UBE2R2: variants seen among roughly 807,000 people sequenced by gnomAD.
UBE2R2 encodes ubiquitin conjugating enzyme E2 R2, also known as ubiquitin-conjugating enzyme E2 R2.
Under a neutral mutation model 27.8 loss-of-function variants are expected in UBE2R2, and 1 was observed. That is an observed-to-expected ratio of 0.04 (90% CI 0.01 to 0.17). The LOEUF is 0.17. Among genes scored for constraint, UBE2R2 ranks in the 10% least tolerant of loss-of-function variants. UBE2R2 has a pLI of 1.00. For missense variants in UBE2R2, 100 were observed against 291.0 expected (o/e 0.34, Z 4.78); for synonymous variants, 106 against 113.3 (o/e 0.94, Z 0.41).
intron 4 of UBE2R2, 52 bp from the exon 5 acceptor site, chr9:33,916,966 T>C (rs1274726808): frequency 3.1e-6 from 5 of 1,597,858 alleles, no homozygotes; most frequent in African/African-American, 1.3e-5. Context: ...ATTATAAATC[T>C]GTCTTAAAAA....
At chr9:33,829,830 T>TAGTTGCCCAGACTGGAGTGC (rs1158125119) in intron 1 of UBE2R2, among the ~76,000 whole-genome samples, 6 of 142,186 alleles carry the variant, frequency 4.2e-5, no homozygotes, top group Admixed American at 2.2e-4. Context: ...AGTTTCGCTC[T>TAGTTGCCCAGACTGGAGTGC]AGTTGCCCAG....
In UBE2R2 at chr9:33,817,388, A is replaced by C. The variant is rs1195016441; in HGVS notation, c.-370A>C. 1.5e-4 allele frequency among the ~76,000 whole-genome samples: 17 copies of C among 116,180 alleles called. No individual in the cohort carries two copies. The highest frequency in any genetic ancestry group is 3.0e-4 in the South Asian group (1 of 3,322). The allele number at this position is 116,180 out of a possible 152,430, so 76.2% of individuals were successfully genotyped here. On this transcript the variant is annotated 5_prime_UTR_variant, in exon 1 of 5. Transcript: ENST00000263228. Reference sequence around the variant, plus strand: ...CGGGCCGGCCCGGCCCCCTCCCTTCACCATCGCCGGCCCTCCGCCGCCTTC... The same window carrying C: ...CGGGCCGGCCCGGCCCCCTCCCTTCCCCATCGCCGGCCCTCCGCCGCCTTC...
intron 2 of UBE2R2, among the ~76,000 whole-genome samples, chr9:33,889,949 G>A (rs974072875): frequency 6.6e-6 from 1 of 152,006 alleles, no homozygotes; most frequent in African/African-American, 2.4e-5. Context: ...CAAAGTGCTG[G>A]GGTTACAGGC....
intron 1 of UBE2R2, among the ~76,000 whole-genome samples, chr9:33,864,958 A>G (rs1014018323): frequency 3.3e-5 from 5 of 152,022 alleles, no homozygotes; most frequent in Non-Finnish European, 7.4e-5. Context: ...TCCTGACCTC[A>G]GGTGATCTGC....
intron 2 of UBE2R2, among the ~76,000 whole-genome samples, chr9:33,897,239 T>C (rs1281574116): frequency 6.7e-6 from 1 of 150,082 alleles, no homozygotes; most frequent in African/African-American, 2.5e-5. Context: ...GGTTTCACCA[T>C]GTTAGCCAGG....
rs576703609 is a variant in UBE2R2 at position 33,868,453 on chromosome 9, T to C, written c.178-18428T>C. On this transcript the variant is annotated intron_variant, in intron 1 of 4. Coordinates refer to ENST00000263228, the MANE Select transcript of UBE2R2 (RefSeq NM_017811.4). Reference sequence around the variant, plus strand: ...GTGTGTGTGTACACACACTTTTTTTTCCCACATACTATTATTGAACATTTT... The same window carrying C: ...GTGTGTGTGTACACACACTTTTTTTCCCCACATACTATTATTGAACATTTT... 14 of 152,222 alleles carry C rather than the reference T, an allele frequency of 9.2e-5. No individual in the cohort carries two copies. In the South Asian group the frequency reaches 1.0e-3, roughly 11 times the overall value. 9.4% of individuals were successfully genotyped at this position (152,222 alleles called of 1,614,324 possible).
intron 2 of UBE2R2, among the ~76,000 whole-genome samples, chr9:33,895,680 T>A (rs1412262780): frequency 6.6e-6 from 1 of 152,082 alleles, no homozygotes; most frequent in Non-Finnish European, 1.5e-5. Flanking sequence ...TTTTTTAAGA[T>A]CTTTTAAAAT....
At chr9:33,872,537 G>A (rs1462754179) in intron 1 of UBE2R2, among the ~76,000 whole-genome samples, 10 of 151,952 alleles carry the variant, frequency 6.6e-5, no homozygotes, top group African/African-American at 9.7e-5. Context: ...CTGTAATCCC[G>A]GCACTTTGGG....
At chr9:33,826,066 C>A (rs1368847308) in intron 1 of UBE2R2, among the ~76,000 whole-genome samples, 1 of 151,046 alleles carries the variant, frequency 6.6e-6, no homozygotes, top group South Asian at 2.1e-4. Context: ...TCGCTTGAAC[C>A]CAGGAGGTGC....
intron 1 of UBE2R2, among the ~76,000 whole-genome samples, chr9:33,842,864 T>A (rs1820759001): frequency 6.6e-6 from 1 of 152,018 alleles, no homozygotes; most frequent in African/African-American, 2.4e-5. Flanking sequence ...CTGCTGAAGC[T>A]GCAATTTGAG....
chr9:33,891,504 G>A (rs948170633), intron 2 of UBE2R2, among the ~76,000 whole-genome samples: 3 of 152,032 alleles, frequency 2.0e-5, no homozygotes, highest in Non-Finnish European at 4.4e-5. Flanking sequence ...AAAATTAGCT[G>A]GGCATGGTGG....
chr9:33,822,924 TAGCTGAGTCTCGCTC>T, intron 1 of UBE2R2, among the ~76,000 whole-genome samples: 1 of 145,254 alleles, frequency 6.9e-6, no homozygotes, highest in East Asian at 1.9e-4. Context: ...TTTTTTTTTT[TAGCTGAGTCTCGCTC>T]TGTTGCTCAG....
chr9:33,820,104 CAAACAAAACA>C (rs201092112), intron 1 of UBE2R2, among the ~76,000 whole-genome samples: 4 of 152,002 alleles, frequency 2.6e-5, no homozygotes, highest in East Asian at 1.9e-4. Context: ...AAAACAAGAG[CAAACAAAACA>C]AAACAAAACA....
chr9:33,819,236 T>G (rs899073754), intron 1 of UBE2R2, among the ~76,000 whole-genome samples: 1 of 152,218 alleles, frequency 6.6e-6, no homozygotes, highest in African/African-American at 2.4e-5. Context: ...ATGTGTATTT[T>G]TAGGACTACC....
chr9:33,861,203 G>A (rs1434294642), intron 1 of UBE2R2, among the ~76,000 whole-genome samples: 3 of 149,784 alleles, frequency 2.0e-5, no homozygotes, highest in South Asian at 2.1e-4. Flanking sequence ...CTCATGATCC[G>A]CCCGCCTCGG....
chr9:33,848,899 C>T (rs976721798), intron 1 of UBE2R2, among the ~76,000 whole-genome samples: 9 of 151,984 alleles, frequency 5.9e-5, no homozygotes, highest in South Asian at 4.2e-4. Flanking sequence ...CTACCACACC[C>T]GCCGAGTCTA....
At chr9:33,877,823 G>GTCTGTCTCTCTCTC in intron 1 of UBE2R2, among the ~76,000 whole-genome samples, 62 of 131,124 alleles carry the variant, frequency 4.7e-4, no homozygotes, top group African/African-American at 1.8e-3. Flanking sequence ...CTGTCTGTCT[G>GTCTGTCTCTCTCTC]TCTCTCTCTC....
chr9:33,829,471 C>T (rs1255146234), intron 1 of UBE2R2, among the ~76,000 whole-genome samples: 1 of 152,104 alleles, frequency 6.6e-6, no homozygotes, highest in East Asian at 1.9e-4. Flanking sequence ...CACTGAATGC[C>T]TAGACTTCAC....
At chr9:33,853,981 C>T (rs1821037630) in intron 1 of UBE2R2, among the ~76,000 whole-genome samples, 1 of 152,074 alleles carries the variant, frequency 6.6e-6, no homozygotes, top group African/African-American at 2.4e-5. Flanking sequence ...CAGGCATGAG[C>T]CACTGCACCC....
Sources: gnomAD v4.1 joint callset for allele counts (sites outside exome capture counted in the v4.1 genomes callset) on GRCh38, gnomAD v4.1.1 for gene constraint, MANE v1.5 for transcripts, NCBI Gene and HGNC (gene_info 2026-07-23, HGNC 2026-07-21) for gene names.